Variants in MAP1LC3B observed in about 807,000 individuals in gnomAD.
MAP1LC3B encodes the protein microtubule-associated protein 1 light chain 3 beta.
Under a neutral mutation model 16.7 loss-of-function variants are expected in MAP1LC3B, and 12 were observed. The observed-to-expected ratio is 0.72, with a 90% CI of 0.46 to 1.16. The LOEUF (loss-of-function observed/expected upper bound fraction) is 1.16. MAP1LC3B is among the 50% of genes most tolerant of loss of function. MAP1LC3B has a pLI of 0.00. For synonymous variants in MAP1LC3B, 63 were observed against 56.5 expected (o/e 1.11, Z -0.51); for missense variants, 155 against 159.5 (o/e 0.97, Z 0.15).
Position 87,403,056 on chromosome 16 carries a change from T to C in MAP1LC3B, c.337T>C (p.Tyr113His). Reference sequence around the variant, plus strand: ...TGAAGATGGATTCCTGTACATGGTCTATGCCTCCCAGGAGACGTTCGGGAT... The same window carrying C: ...TGAAGATGGATTCCTGTACATGGTCCATGCCTCCCAGGAGACGTTCGGGAT... The part of the protein sequence containing the change: ...KDEDGFLYMV[Y>H]ASQETFGMKL... The change falls in exon 4 of 4, where the codon TAT becomes CAT. Residue 113 changes from tyrosine to histidine, a missense_variant. Tyr to His is a moderately conservative substitution (Grantham distance 83). Coordinates refer to ENST00000268607, the MANE Select transcript of MAP1LC3B (RefSeq NM_022818.5). 1.9e-6 allele frequency: 3 copies of C among 1,614,016 alleles called. No homozygotes were observed. Among genetic ancestry groups the C allele is most frequent in the Non-Finnish European group, 2.5e-6 (3 of 1,179,984 alleles).
At position 87,396,303 on chromosome 16, in the gene MAP1LC3B, G is replaced by A. The variant is rs532708054; in HGVS notation, c.41-2512G>A. ...ATCCTGGCTAACATGATGAAACCCC[G>A]TCTTTACTAAAAATACAAAAAATTA... is the stretch of plus-strand genomic sequence containing the variant. On this transcript the variant is annotated intron_variant, in intron 1 of 3. Coordinates refer to ENST00000268607, the MANE Select transcript of MAP1LC3B (RefSeq NM_022818.5). Among the ~76,000 whole-genome samples the A allele has an allele frequency of 6.1e-4, 92 of 151,094 alleles. 2 individuals are homozygous for A. The highest frequency in any genetic ancestry group is 3.4e-3 in the Middle Eastern group (1 of 294).
chr16:87,397,802 A>AC (rs1907857133), intron 1 of MAP1LC3B, among the ~76,000 whole-genome samples: 1 of 141,300 alleles, frequency 7.1e-6, no homozygotes, highest in Non-Finnish European at 1.6e-5. Context: ...TATTTTGCTC[A>AC]TTTTTTTTTT....
intron 1 of MAP1LC3B, among the ~76,000 whole-genome samples, chr16:87,395,663 A>G (rs1288188416): frequency 2.0e-5 from 3 of 152,138 alleles, no homozygotes; most frequent in African/African-American, 7.2e-5. Flanking sequence ...AGATGCTCCT[A>G]TGGGACTTGG....
chr16:87,401,634 G>A (rs1199675675), intron 2 of MAP1LC3B, among the ~76,000 whole-genome samples: 1 of 152,112 alleles, frequency 6.6e-6, no homozygotes, highest in Non-Finnish European at 1.5e-5. Context: ...CTAGGTTCAA[G>A]CTTGTCTCAG....
At chr16:87,392,570 G>T in intron 1 of MAP1LC3B, 103 bp downstream of exon 1, 1 of 1,082,780 alleles carries the variant, frequency 9.2e-7, no homozygotes, top group Non-Finnish European at 1.2e-6. Flanking sequence ...CGAGCCGGGA[G>T]GCCGAGCGGG....
rs1907890954 is a variant in MAP1LC3B at position 87,398,826 on chromosome 16, G to C, written c.52G>C (p.Glu18Gln). Residue 18 changes from glutamate (E) to glutamine (Q), a missense_variant, in exon 2 of 4, where the codon GAA becomes CAA. Transcript: ENST00000268607. ...KQRRTFEQRV[E>Q]DVRLIREQHP... The stretch of plus-strand genomic sequence containing the variant: ...TCATTTCATTGCAGAACAAAGAGTA[G>C]AAGATGTCCGACTTATTCGAGAGCA... The C allele has an allele frequency of 6.2e-7, 1 of 1,614,184 alleles. No homozygotes were observed. The highest frequency in any genetic ancestry group is 1.7e-4 in the Middle Eastern group (1 of 6,060).
chr16:87,399,731 C>A (rs778313783), intron 2 of MAP1LC3B: 82 of 374,162 alleles, frequency 2.2e-4, no homozygotes, highest in Admixed American at 1.6e-3. Flanking sequence ...ATATTTTGCT[C>A]CATGGAAAGG....
intron 1 of MAP1LC3B, 152 bp downstream of exon 1, chr16:87,392,619 G>A (rs1239424311): frequency 2.9e-6 from 2 of 685,052 alleles, no homozygotes; most frequent in Non-Finnish European, 3.8e-6. Flanking sequence ...GGGATGCGGG[G>A]CCCGGGGCCC....
In MAP1LC3B at chr16:87,402,296, T is replaced by C. The variant is rs117835801; in HGVS notation, c.203+15T>C. On this transcript the variant is annotated intron_variant, in intron 3 of 3. Transcript: ENST00000268607. ...AAGATAATTAGGTATTCAGTCACCTTTGTTTCATAATATATTTCCTTTGAG... is the reference window on the plus strand; with the variant it reads ...AAGATAATTAGGTATTCAGTCACCTCTGTTTCATAATATATTTCCTTTGAG... The C allele has an allele frequency of 3.1e-6, 5 of 1,607,490 alleles. No homozygotes were observed. Among genetic ancestry groups the C allele is most frequent in the Middle Eastern group, 3.3e-4 (2 of 6,048 alleles).
At chr16:87,400,533 T>C (rs1480864322) in intron 2 of MAP1LC3B, among the ~76,000 whole-genome samples, 1 of 152,088 alleles carries the variant, frequency 6.6e-6, no homozygotes, top group Non-Finnish European at 1.5e-5. Context: ...AGAATGAAAG[T>C]ACCAGGTCAT....
chr16:87,403,630 G>A lies in MAP1LC3B; in HGVS notation c.*533G>A, dbSNP rs1228999452. On this transcript the variant is annotated 3_prime_UTR_variant, in exon 4 of 4. Transcript: ENST00000268607. ...CAGTTGGCACAAACGCAGGGTAAAC[G>A]GGCTGTGTGAGAAAACGGCCCTGAC... 1 of 152,786 alleles carries A rather than the reference G, an allele frequency of 6.5e-6. No individual in the cohort carries two copies. Among genetic ancestry groups the A allele is most frequent in the African/African-American group, 2.4e-5 (1 of 41,420 alleles). 9.5% of individuals were successfully genotyped at this position (152,786 alleles called of 1,614,324 possible).
chr16:87,403,737 G>C lies in MAP1LC3B; in HGVS notation c.*640G>C, dbSNP rs76019591. 0.011 allele frequency: 1,657 copies of C among 152,262 alleles called. 11 individuals are homozygous for C. Among genetic ancestry groups the C allele is most frequent in the Middle Eastern group, 0.037 (11 of 294 alleles). The allele number at this position is 152,262 out of a possible 1,614,324, so 9.4% of individuals were successfully genotyped here. On this transcript the variant is annotated 3_prime_UTR_variant, in exon 4 of 4. Transcript: ENST00000268607. ...TTGCAGGGGTAGACATTTCTGGTTT[G>C]GTTTGTTCTCTAGATAGTTACACAC... is the stretch of plus-strand genomic sequence containing the variant.
At chr16:87,393,930 T>G (rs547728730) in intron 1 of MAP1LC3B, among the ~76,000 whole-genome samples, 2 of 152,180 alleles carry the variant, frequency 1.3e-5, no homozygotes, top group Non-Finnish European at 2.9e-5. Flanking sequence ...ATGCCCTTTT[T>G]CTCATAACAG....
rs1567502489 is a variant in MAP1LC3B, at chr16:87,403,831, GAGAA to G, written c.*738_*741del. 1.3e-5 allele frequency: 2 copies of G among 152,178 alleles called. No individual in the cohort carries two copies. The highest frequency in any genetic ancestry group is 4.8e-5 in the African/African-American group (2 of 41,418). 9.4% of individuals were successfully genotyped at this position (152,178 alleles called of 1,614,324 possible). ...TGATCGAGTTTCTTAAAAGACCCTG[GAGAA>G]AGAGTGGCATTTCTTCTGTTTCAGG... On this transcript the variant is annotated 3_prime_UTR_variant, in exon 4 of 4. Transcript: ENST00000268607.
chr16:87,403,458 C>G lies in MAP1LC3B; in HGVS notation c.*361C>G. ...ATTCCAGCAGTAATTTAAAGGCTTT[C>G]AGAGAGACCCTGAGTCTTCTCTTCA... On this transcript the variant is annotated 3_prime_UTR_variant, in exon 4 of 4. Coordinates refer to ENST00000268607, the MANE Select transcript of MAP1LC3B (RefSeq NM_022818.5). 1 of 183,782 alleles carries G rather than the reference C, an allele frequency of 5.4e-6. No individual in the cohort carries two copies. Among genetic ancestry groups the G allele is most frequent in the Non-Finnish European group, 1.2e-5 (1 of 81,094 alleles). 11.4% of individuals were successfully genotyped at this position (183,782 alleles called of 1,614,324 possible).
At chr16:87,402,842 CAG>C in intron 3 of MAP1LC3B, 79 bp from the exon 4 acceptor site, 1 of 1,514,108 alleles carries the variant, frequency 6.6e-7, no homozygotes, top group South Asian at 1.2e-5. Context: ...TTTTACCGAT[CAG>C]AGTGGGTGAT....
intron 1 of MAP1LC3B, among the ~76,000 whole-genome samples, chr16:87,396,553 A>C (rs1907813639): frequency 6.6e-6 from 1 of 152,196 alleles, no homozygotes; most frequent in Non-Finnish European, 1.5e-5. Context: ...TTTAAATGTG[A>C]AACATTCCAG....
Position 87,392,394 on chromosome 16 carries a change from T to TCGTCGC in MAP1LC3B, c.-31_-26dup, listed in dbSNP as rs1419907036. ...CCCGGGAGCCGCCGGGACCCTCGCG[T>TCGTCGC]CGTCGCCGCCGCCGCCGCCCAGATC... On this transcript the variant is annotated 5_prime_UTR_variant, in exon 1 of 4. Transcript: ENST00000268607. 3 of 1,414,556 alleles carry TCGTCGC rather than the reference T, an allele frequency of 2.1e-6. No individual in the cohort carries two copies. The African/African-American group carries it at 4.6e-5, about 22-fold the overall frequency. The allele number at this position is 1,414,556 out of a possible 1,614,324, so 87.6% of individuals were successfully genotyped here.
intron 3 of MAP1LC3B, chr16:87,402,648 G>C: frequency 1.8e-6 from 1 of 549,904 alleles, no homozygotes; most frequent in Non-Finnish European, 3.2e-6. Flanking sequence ...GAATAGTTCA[G>C]AAACTGTATT....
Sources: gnomAD v4.1 joint callset for allele counts (sites outside exome capture counted in the v4.1 genomes callset) on GRCh38, gnomAD v4.1.1 for gene constraint, MANE v1.5 for transcripts, NCBI Gene and HGNC (gene_info 2026-07-23, HGNC 2026-07-21) for gene names.